NPAS3: variants seen among roughly 807,000 people sequenced by gnomAD.
The protein encoded by NPAS3 is neuronal PAS domain protein 3.
In NPAS3, 14 loss-of-function variants were observed where a neutral mutation model predicts 73.1. That is an observed-to-expected ratio of 0.19 (90% confidence interval 0.13 to 0.30). The LOEUF is 0.30. Ranked by LOEUF, NPAS3 falls within the 10% of genes least tolerant of loss-of-function variation. The pLI, the probability that NPAS3 is intolerant of heterozygous loss-of-function variation, is 1.00. For synonymous variants in NPAS3, 620 were observed against 541.5 expected (o/e 1.14, Z -2.01); for missense variants, 1,096 against 1,250.0 (o/e 0.88, Z 1.86).
At position 33,735,252 on chromosome 14, in the gene NPAS3, A is replaced by G. The variant is rs151297906; in HGVS notation, c.772A>G (p.Thr258Ala). 4.7e-5 allele frequency: 76 copies of G among 1,613,298 alleles called. No homozygotes were observed. The African/African-American group carries it at 7.5e-4, about 16-fold the overall frequency. ...CCCCAGTCTGCTAACCACTGACAAC[A>G]CTCTTGAGCGTTCCTTTTTCATCCG... The change falls in exon 7 of 12, where the codon ACT becomes GCT. Residue 258 changes from threonine to alanine, a missense_variant. Physicochemically the swap from Thr to Ala is moderately conservative, Grantham distance 58. Around this residue, in one of 5 missense-constraint regions of NPAS3, gnomAD observed 215 missense variants for 260.0 expected, o/e 0.83. Transcript: ENST00000356141.
intron 3 of NPAS3, among the ~76,000 whole-genome samples, chr14:33,345,998 C>T (rs895067970): frequency 3.3e-4 from 50 of 151,690 alleles, no homozygotes; most frequent in African/African-American, 1.2e-3. Flanking sequence ...TTTGGGAGGT[C>T]GAGGCAGGAG....
chr14:33,642,523 ATTTCT>A (rs1047995916), intron 5 of NPAS3, among the ~76,000 whole-genome samples: 4 of 152,168 alleles, frequency 2.6e-5, no homozygotes, highest in African/African-American at 9.7e-5. Flanking sequence ...TTTATAGATC[ATTTCT>A]TTTAAGTCTG....
At chr14:33,502,518 C>A (rs2052567859) in intron 4 of NPAS3, among the ~76,000 whole-genome samples, 1 of 151,952 alleles carries the variant, frequency 6.6e-6, no homozygotes. Flanking sequence ...CGTGTGTTTT[C>A]TTTCTCTGCC....
intron 4 of NPAS3, among the ~76,000 whole-genome samples, chr14:33,497,911 C>G (rs1167547892): frequency 4.6e-5 from 7 of 152,060 alleles, no homozygotes; most frequent in Admixed American, 2.0e-4. Flanking sequence ...AACAGGCAAC[C>G]TACAGAATGG....
intron 4 of NPAS3, among the ~76,000 whole-genome samples, chr14:33,380,478 A>G (rs1181931959): frequency 1.3e-5 from 2 of 152,038 alleles, no homozygotes; most frequent in African/African-American, 2.4e-5. Flanking sequence ...GCTGTTTTTT[A>G]ATAGCTGTTT....
At chr14:32,968,642 A>G (rs1222477142) in intron 1 of NPAS3, among the ~76,000 whole-genome samples, 1 of 152,198 alleles carries the variant, frequency 6.6e-6, no homozygotes, top group East Asian at 1.9e-4. Flanking sequence ...TGCTTGTGCA[A>G]CAACATTTAT....
At chr14:33,304,835 G>T (rs1367123992) in intron 3 of NPAS3, among the ~76,000 whole-genome samples, 1 of 151,998 alleles carries the variant, frequency 6.6e-6, no homozygotes, top group Admixed American at 6.6e-5. Flanking sequence ...TATTCCAAGG[G>T]TTGGTGAAAT....
At chr14:33,379,489 C>T (rs2046448016) in intron 4 of NPAS3, among the ~76,000 whole-genome samples, 1 of 152,118 alleles carries the variant, frequency 6.6e-6, no homozygotes, top group South Asian at 2.1e-4. Flanking sequence ...TTCTTCTTGG[C>T]TTTAGAGTAG....
chr14:33,069,098 G>C (rs1216859396), intron 2 of NPAS3, among the ~76,000 whole-genome samples: 1 of 152,186 alleles, frequency 6.6e-6, no homozygotes, highest in Non-Finnish European at 1.5e-5. Flanking sequence ...GGAAGCAGGG[G>C]ACTTAGCTCA....
intron 3 of NPAS3, among the ~76,000 whole-genome samples, chr14:33,217,691 C>T (rs1265967599): frequency 6.6e-6 from 1 of 152,036 alleles, no homozygotes; most frequent in Non-Finnish European, 1.5e-5. Flanking sequence ...GTTATTTGTC[C>T]ATTTGTCTGT....
intron 4 of NPAS3, among the ~76,000 whole-genome samples, chr14:33,439,020 C>T (rs537771078): frequency 1.3e-5 from 2 of 152,058 alleles, no homozygotes; most frequent in African/African-American, 2.4e-5. Context: ...ATTAAATTTC[C>T]ACAATTGTTC....
intron 2 of NPAS3, among the ~76,000 whole-genome samples, chr14:33,063,159 T>G (rs2041166285): frequency 6.6e-6 from 1 of 152,168 alleles, no homozygotes; most frequent in Admixed American, 6.5e-5. Context: ...AAACAATACC[T>G]CAGAGGTTGT....
intron 5 of NPAS3, among the ~76,000 whole-genome samples, chr14:33,658,338 AG>A (rs1233961566): frequency 6.6e-6 from 1 of 152,206 alleles, no homozygotes; most frequent in Non-Finnish European, 1.5e-5. Context: ...CTAACATTTA[AG>A]CCAGTAGTTT....
intron 2 of NPAS3, among the ~76,000 whole-genome samples, chr14:33,198,988 C>T (rs1369745129): frequency 6.6e-6 from 1 of 152,174 alleles, no homozygotes; most frequent in African/African-American, 2.4e-5. Flanking sequence ...GATGCTAAGC[C>T]CCACACTGTC....
intron 5 of NPAS3, among the ~76,000 whole-genome samples, chr14:33,631,335 G>A (rs1315737814): frequency 6.6e-6 from 1 of 152,196 alleles, no homozygotes; most frequent in East Asian, 1.9e-4. Context: ...CCTAGTTTGT[G>A]TGCACCTGGA....
chr14:33,372,310 C>G (rs1411106825), intron 4 of NPAS3, among the ~76,000 whole-genome samples: 1 of 152,050 alleles, frequency 6.6e-6, no homozygotes, highest in Non-Finnish European at 1.5e-5. Flanking sequence ...TTGGTGTGCC[C>G]GTTCTCTGAA....
chr14:32,965,903 G>T (rs1315013101), intron 1 of NPAS3, among the ~76,000 whole-genome samples: 1 of 152,038 alleles, frequency 6.6e-6, no homozygotes, highest in Non-Finnish European at 1.5e-5. Context: ...ATTAGTGGTG[G>T]TTCTATAGAC....
At chr14:33,660,160 G>A (rs2059266493) in intron 5 of NPAS3, among the ~76,000 whole-genome samples, 1 of 152,146 alleles carries the variant, frequency 6.6e-6, no homozygotes, top group African/African-American at 2.4e-5. Flanking sequence ...AAAATGGACA[G>A]TTTGCCCATT....
intron 3 of NPAS3, among the ~76,000 whole-genome samples, chr14:33,260,890 A>G (rs1235170736): frequency 1.3e-5 from 2 of 152,170 alleles, no homozygotes; most frequent in African/African-American, 4.8e-5. Flanking sequence ...AGTTCATGAT[A>G]CTTACAAAGA....
Sources: gnomAD v4.1 joint callset for allele counts (sites outside exome capture counted in the v4.1 genomes callset) on GRCh38, gnomAD v4.1.1 for gene constraint, gnomAD v4.1.1 regional missense constraint, MANE v1.5 for transcripts, NCBI Gene and HGNC (gene_info 2026-07-23, HGNC 2026-07-21) for gene names.